The following ENPP6 variants were observed in gnomAD, a reference collection of about 807,000 sequenced individuals.
ENPP6 encodes glycerophosphocholine cholinephosphodiesterase ENPP6.
Under a neutral mutation model 42.0 loss-of-function variants are expected in ENPP6, and 32 were observed. The ratio of observed to expected loss-of-function variants is 0.76; its 90% CI spans 0.58 to 1.02. The LOEUF (loss-of-function observed/expected upper bound fraction) is 1.02. Ranked by LOEUF, ENPP6 falls within the 50% of genes least tolerant of loss-of-function variation. ENPP6 has a pLI of 0.00. For synonymous variants in ENPP6, 213 were observed against 216.0 expected (o/e 0.99, Z 0.12); for missense variants, 552 against 566.8 (o/e 0.97, Z 0.27).
At chr4:184,122,197 A>G (rs1736426899) in intron 3 of ENPP6, among the ~76,000 whole-genome samples, 1 of 152,134 alleles carries the variant, frequency 6.6e-6, no homozygotes, top group African/African-American at 2.4e-5. Flanking sequence ...CCAGGGCATC[A>G]TTCTTATTGC....
chr4:184,117,991 C>T lies in ENPP6; in HGVS notation c.534-91G>A, dbSNP rs548790121. 58 of 1,465,308 alleles carry T rather than the reference C, an allele frequency of 4.0e-5. No homozygotes were observed. In the South Asian group the frequency reaches 5.9e-4, roughly 15 times the overall value. The allele number at this position is 1,465,308 out of a possible 1,614,324, so 90.8% of individuals were successfully genotyped here. A position where few individuals can be genotyped will look rare whatever the true frequency, so the allele number is the denominator to read the frequency against. On this transcript the variant is annotated intron_variant, in intron 3 of 7. Coordinates refer to ENST00000296741, the MANE Select transcript of ENPP6 (RefSeq NM_153343.4). ...CCATAGCACTCTCTGAAGGTGTTCA[C>T]GCCCCCCGAAACCTTGTCCCTGGGC... is the stretch of plus-strand genomic sequence containing the variant.
At chr4:184,169,223 G>A (rs942023860) in intron 1 of ENPP6, among the ~76,000 whole-genome samples, 3 of 152,176 alleles carry the variant, frequency 2.0e-5, no homozygotes, top group East Asian at 1.9e-4. Flanking sequence ...GTGGCATCCA[G>A]CCCTAGCCAG....
intron 1 of ENPP6, among the ~76,000 whole-genome samples, chr4:184,202,300 G>A (rs2111116332): frequency 6.6e-6 from 1 of 152,154 alleles, no homozygotes; most frequent in South Asian, 2.1e-4. Context: ...ATCTGTTCAG[G>A]CTCTTCTTTC....
intron 1 of ENPP6, among the ~76,000 whole-genome samples, chr4:184,185,702 C>T (rs1732624518): frequency 6.6e-6 from 1 of 152,174 alleles, no homozygotes; most frequent in Admixed American, 6.5e-5. Flanking sequence ...AGACAACTGG[C>T]TGGGATTTTT....
intron 2 of ENPP6, among the ~76,000 whole-genome samples, chr4:184,130,469 A>T (rs1480625901): frequency 1.2e-5 from 1 of 85,782 alleles, no homozygotes; most frequent in Admixed American, 9.8e-5. Context: ...GAGGCAGGAG[A>T]ATGGCGTGAA....
intron 1 of ENPP6, among the ~76,000 whole-genome samples, chr4:184,195,203 G>A (rs1005757243): frequency 3.3e-5 from 5 of 152,146 alleles, no homozygotes; most frequent in Non-Finnish European, 7.3e-5. Flanking sequence ...ACGTGGGTTT[G>A]TTGTACGGAT....
At chr4:184,121,577 G>A (rs1736416902) in intron 3 of ENPP6, among the ~76,000 whole-genome samples, 1 of 152,254 alleles carries the variant, frequency 6.6e-6, no homozygotes, top group Admixed American at 6.5e-5. Flanking sequence ...GGAATTTGCA[G>A]TAGAGCTGAA....
At chr4:184,182,546 A>T (rs1561003742) in intron 1 of ENPP6, among the ~76,000 whole-genome samples, 1 of 152,220 alleles carries the variant, frequency 6.6e-6, no homozygotes, top group African/African-American at 2.4e-5. Context: ...TTCTATTATA[A>T]AGAAACATGC....
chr4:184,178,977 A>G (rs771684760), intron 1 of ENPP6, among the ~76,000 whole-genome samples: 32 of 152,348 alleles, frequency 2.1e-4, no homozygotes, highest in Admixed American at 3.3e-4. Context: ...CAAGTCTGCA[A>G]AATAACCAGC....
At chr4:184,109,862 G>GTT (rs1030960474) in intron 6 of ENPP6, among the ~76,000 whole-genome samples, 4 of 152,160 alleles carry the variant, frequency 2.6e-5, no homozygotes, top group African/African-American at 9.7e-5. Flanking sequence ...GTGTGTGTGT[G>GTT]TGTGATTTGT....
At chr4:184,170,490 T>G (rs1419614613) in intron 1 of ENPP6, among the ~76,000 whole-genome samples, 1 of 152,136 alleles carries the variant, frequency 6.6e-6, no homozygotes, top group Non-Finnish European at 1.5e-5. Flanking sequence ...CCATGCATTT[T>G]ATTTATGTTT....
chr4:184,097,569 C>T lies in ENPP6; in HGVS notation c.994-201G>A, dbSNP rs571684319. Among the ~76,000 whole-genome samples, 145 of 152,330 alleles carry T rather than the reference C, an allele frequency of 9.5e-4. 1 individual carries two copies. Among genetic ancestry groups the T allele is most frequent in the African/African-American group, 3.1e-3 (129 of 41,578 alleles). On this transcript the variant is annotated intron_variant, in intron 6 of 7. Coordinates refer to ENST00000296741, the MANE Select transcript of ENPP6 (RefSeq NM_153343.4). ...CAGCAGCCTATTCGATTGCTAAGCG[C>T]TGTGGTTAACAAGGTGTTTTCCTAC...
Position 184,091,171 on chromosome 4 carries a change from G to C in ENPP6, c.*6C>G. 1 of 1,520,502 alleles carries C rather than the reference G, an allele frequency of 6.6e-7. No homozygotes were observed. The highest frequency in any genetic ancestry group is 8.8e-7 in the Non-Finnish European group (1 of 1,134,214). The allele number at this position is 1,520,502 out of a possible 1,614,324, so 94.2% of individuals were successfully genotyped here. On this transcript the variant is annotated 3_prime_UTR_variant, in exon 8 of 8. Coordinates refer to ENST00000296741, the MANE Select transcript of ENPP6 (RefSeq NM_153343.4). ...TGTTTTTTTCTGAGACAAGCAATAT[G>C]ATCAGTTATGCAAGCAGGAAGAGAA... is the stretch of plus-strand genomic sequence containing the variant.
rs1011857223 is a variant in ENPP6, at chr4:184,217,658, C to T, written c.162G>A (p.Val54=). 1.9e-6 allele frequency: 3 copies of T among 1,614,226 alleles called. No individual in the cohort carries two copies. The highest frequency in any genetic ancestry group is 2.5e-6 in the Non-Finnish European group (3 of 1,180,046). ...LESLPGFKEI[V]SRGVKVDYLT... ...AGTAATCCACTTTTACTCCCCTGCT[C>T]ACAATCTCTTTGAAACCAGGCAATG... Residue 54 remains valine (V), a synonymous_variant, in exon 1 of 8, where the codon GTG becomes GTA. Transcript: ENST00000296741.
intron 1 of ENPP6, among the ~76,000 whole-genome samples, chr4:184,176,755 GA>G (rs1412217940): frequency 1.3e-5 from 2 of 152,178 alleles, no homozygotes; most frequent in Non-Finnish European, 2.9e-5. Context: ...ACAGGACCAT[GA>G]AAATATCAAA....
chr4:184,130,351 G>T (rs1579624487), intron 2 of ENPP6, among the ~76,000 whole-genome samples: 1 of 150,676 alleles, frequency 6.6e-6, no homozygotes, highest in African/African-American at 2.4e-5. Flanking sequence ...GAGGTCAGGA[G>T]ATCGAGACCA....
intron 1 of ENPP6, among the ~76,000 whole-genome samples, chr4:184,185,507 T>C (rs1392610538): frequency 6.6e-6 from 1 of 152,206 alleles, no homozygotes; most frequent in Non-Finnish European, 1.5e-5. Flanking sequence ...CGTGTCCTTT[T>C]GCGAGAATCA....
chr4:184,191,787 CA>C (rs1316622698), intron 1 of ENPP6, among the ~76,000 whole-genome samples: 2 of 152,092 alleles, frequency 1.3e-5, no homozygotes, highest in Non-Finnish European at 2.9e-5. Flanking sequence ...CAGGAATACA[CA>C]AAAAACTTTT....
At chr4:184,127,906 G>A (rs555769368) in intron 2 of ENPP6, among the ~76,000 whole-genome samples, 2 of 152,282 alleles carry the variant, frequency 1.3e-5, no homozygotes, top group East Asian at 3.9e-4. Context: ...CAGAAATTGG[G>A]AGAGAGTGCC....
Sources: allele counts gnomAD v4.1 joint callset (sites outside exome capture counted in the v4.1 genomes callset), GRCh38; gene constraint gnomAD v4.1.1; transcripts MANE v1.5; gene names NCBI Gene and HGNC (gene_info 2026-07-23, HGNC 2026-07-21).